Variants in SPATA13 observed in about 807,000 individuals in gnomAD.
The protein encoded by SPATA13 is spermatogenesis-associated protein 13.
SPATA13 carries 50 observed loss-of-function variants against 104.0 expected under a neutral mutation model. The observed-to-expected ratio is 0.48, with a 90% CI of 0.38 to 0.61. The LOEUF is 0.61. SPATA13 is among the 20% of genes least tolerant of loss of function. The probability of loss-of-function intolerance (pLI) is 0.00; values close to 1 mark genes in which losing one functional copy is unlikely to be tolerated. For synonymous variants in SPATA13, 606 were observed against 667.5 expected, an observed-to-expected ratio of 0.91 and a Z score of 1.42; for missense variants, 1,524 against 1,690.6, an observed-to-expected ratio of 0.90 and a Z score of 1.73.
At chr13:24,016,497 C>T (rs1464787386) in intron 2 of SPATA13, among the ~76,000 whole-genome samples, 2 of 152,226 alleles carry the variant, frequency 1.3e-5, no homozygotes, top group African/African-American at 4.8e-5. Flanking sequence ...ATGCAGGCCA[C>T]AACCACAATG....
chr13:24,054,735 T>TCACA (rs551952285), intron 3 of SPATA13, among the ~76,000 whole-genome samples: 3 of 152,190 alleles, frequency 2.0e-5, no homozygotes, highest in Non-Finnish European at 4.4e-5. Flanking sequence ...TAATACTACC[T>TCACA]CACAGGAGAA....
chr13:24,039,894 G>A (rs1230567434), intron 3 of SPATA13, among the ~76,000 whole-genome samples: 6 of 152,136 alleles, frequency 3.9e-5, no homozygotes, highest in African/African-American at 1.4e-4. Flanking sequence ...CCAAAGACAG[G>A]CTGAGCTCTG....
At chr13:24,143,016 G>A (rs989747477) in intron 3 of SPATA13, among the ~76,000 whole-genome samples, 5 of 152,196 alleles carry the variant, frequency 3.3e-5, no homozygotes, top group African/African-American at 1.2e-4. Context: ...CTGACCCTGA[G>A]ACAATGGCTT....
chr13:24,182,321 G>C (rs924954827), intron 1 of SPATA13, among the ~76,000 whole-genome samples: 1 of 152,164 alleles, frequency 6.6e-6, no homozygotes. Context: ...GAATACCTGA[G>C]CCTGGGTCAT....
At chr13:24,191,883 C>G (rs1869781466) in intron 1 of SPATA13, among the ~76,000 whole-genome samples, 1 of 152,118 alleles carries the variant, frequency 6.6e-6, no homozygotes, top group South Asian at 2.1e-4. Context: ...AATTTTGCTC[C>G]TTAGTTCAGC....
chr13:24,295,692 TCTC>T (rs1876730717), intron 10 of SPATA13, among the ~76,000 whole-genome samples: 1 of 152,016 alleles, frequency 6.6e-6, no homozygotes, highest in Non-Finnish European at 1.5e-5. Context: ...TCTCTCTCTC[TCTC>T]TCTCTGTATT....
Position 24,019,150 on chromosome 13 carries a change from G to A in SPATA13, c.-112+1449G>A, listed in dbSNP as rs1160480475. Reference sequence around the variant, plus strand: ...GTCGCCCAGGCTGGAGTGCAGTGGCGGGATCTCGGCTCACTGTAAGCTCCG... The same window carrying A: ...GTCGCCCAGGCTGGAGTGCAGTGGCAGGATCTCGGCTCACTGTAAGCTCCG... On this transcript the variant is annotated intron_variant, in intron 3 of 14. Transcript: ENST00000424834. Among the ~76,000 whole-genome samples, 12 of 148,856 alleles carry A rather than the reference G, an allele frequency of 8.1e-5. No individual in the cohort carries two copies. In the East Asian group the frequency reaches 1.6e-3, roughly 19 times the overall value.
chr13:24,071,710 A>T (rs1440010163), intron 3 of SPATA13, among the ~76,000 whole-genome samples: 1 of 152,164 alleles, frequency 6.6e-6, no homozygotes, highest in Non-Finnish European at 1.5e-5. Flanking sequence ...TTGTTGATAA[A>T]CATTTTTCAT....
At chr13:24,244,935 G>A (rs1233218331) in intron 2 of SPATA13, among the ~76,000 whole-genome samples, 1 of 152,226 alleles carries the variant, frequency 6.6e-6, no homozygotes, top group African/African-American at 2.4e-5. Flanking sequence ...TGTTTACAGA[G>A]GTTTATGACT....
At chr13:24,177,676 T>G (rs1183934158) in intron 1 of SPATA13, among the ~76,000 whole-genome samples, 1 of 152,006 alleles carries the variant, frequency 6.6e-6, no homozygotes, top group Non-Finnish European at 1.5e-5. Context: ...CCCAGGCTGG[T>G]CTTGAACTTA....
intron 2 of SPATA13, among the ~76,000 whole-genome samples, chr13:24,226,198 T>C (rs570214538): frequency 1.3e-5 from 2 of 152,292 alleles, no homozygotes; most frequent in South Asian, 4.1e-4. Context: ...TCACACGAAA[T>C]TGGCATCTGT....
At chr13:24,188,374 C>G (rs1373170966) in intron 1 of SPATA13, among the ~76,000 whole-genome samples, 2 of 149,940 alleles carry the variant, frequency 1.3e-5, no homozygotes, top group Non-Finnish European at 2.9e-5. Context: ...CCAGTGAACA[C>G]ACAAATATTA....
At chr13:24,191,549 A>G (rs1192060093) in intron 1 of SPATA13, among the ~76,000 whole-genome samples, 8 of 113,096 alleles carry the variant, frequency 7.1e-5, no homozygotes, top group Non-Finnish European at 1.3e-4. Context: ...TTGCTCTGTC[A>G]CTCAGGCTGG....
intron 3 of SPATA13, among the ~76,000 whole-genome samples, chr13:24,066,962 G>A (rs958753523): frequency 1.3e-5 from 2 of 152,188 alleles, no homozygotes; most frequent in African/African-American, 4.8e-5. Context: ...AATAGCTAAA[G>A]CAGCTTCTGT....
At chr13:24,169,861 C>T (rs1040064441) in intron 1 of SPATA13, among the ~76,000 whole-genome samples, 3 of 152,200 alleles carry the variant, frequency 2.0e-5, no homozygotes, top group African/African-American at 7.2e-5. Context: ...AGACTCCACT[C>T]GGCATTAGGA....
At chr13:24,075,949 TG>T (rs962942471) in intron 3 of SPATA13, among the ~76,000 whole-genome samples, 1 of 152,102 alleles carries the variant, frequency 6.6e-6, no homozygotes, top group South Asian at 2.1e-4. Flanking sequence ...TAGTCTAGAA[TG>T]GGGGAAAAAA....
At chr13:24,104,772 TGTTA>T (rs1880383608) in intron 3 of SPATA13, among the ~76,000 whole-genome samples, 1 of 152,252 alleles carries the variant, frequency 6.6e-6, no homozygotes, top group African/African-American at 2.4e-5. Flanking sequence ...TATAATAACT[TGTTA>T]GTTAATGTTT....
intron 1 of SPATA13, among the ~76,000 whole-genome samples, chr13:24,176,499 C>T (rs921834685): frequency 3.3e-5 from 5 of 152,044 alleles, no homozygotes; most frequent in African/African-American, 1.2e-4. Context: ...TTAATTTCTG[C>T]TTTTCAGATC....
rs1015684799 is a variant in SPATA13 at position 24,042,872 on chromosome 13, GT to G, written c.-112+25174del. Among the ~76,000 whole-genome samples, 59 of 152,082 alleles carry G rather than the reference GT, an allele frequency of 3.9e-4. No individual in the cohort carries two copies. In the Middle Eastern group the frequency reaches 0.014, roughly 35 times the overall value. The stretch of plus-strand genomic sequence containing the variant: ...TTGAGAAACACCAGGGGAAACGTGC[GT>G]TTAAAAATAGTTCCTCAGACGCCTA... On this transcript the variant is annotated intron_variant, in intron 3 of 14. Transcript: ENST00000424834.
Sources: allele counts gnomAD v4.1 joint callset (sites outside exome capture counted in the v4.1 genomes callset), GRCh38; gene constraint gnomAD v4.1.1; transcripts MANE v1.5; gene names NCBI Gene and HGNC (gene_info 2026-07-23, HGNC 2026-07-21).